PSD3: variants seen among roughly 807,000 people sequenced by gnomAD.
PSD3 encodes the protein PH and SEC7 domain-containing protein 3.
A neutral mutation model predicts 105.5 loss-of-function variants in PSD3; 49 were observed. That is an observed-to-expected ratio of 0.46 (90% confidence interval 0.37 to 0.59). The LOEUF is 0.59. Ranked by LOEUF, PSD3 falls within the 20% of genes least tolerant of loss-of-function variation. The pLI is 0.00. For missense variants in PSD3, 1,561 were observed against 1,263.8 expected, an observed-to-expected ratio of 1.24 and a Z score of -3.57; for synonymous variants, 557 against 457.8, an observed-to-expected ratio of 1.22 and a Z score of -2.77.
intron 9 of PSD3, among the ~76,000 whole-genome samples, chr8:18,704,664 T>A (rs1173783865): frequency 1.3e-5 from 2 of 152,054 alleles, no homozygotes; most frequent in African/African-American, 4.8e-5. Context: ...TTATTGTGAG[T>A]TTCCATCTCA....
chr8:18,963,346 T>A (rs1471723875), intron 1 of PSD3, among the ~76,000 whole-genome samples: 1 of 152,218 alleles, frequency 6.6e-6, no homozygotes, highest in African/African-American at 2.4e-5. Flanking sequence ...TTTGACTTCC[T>A]GAATTTGTGT....
intron 1 of PSD3, among the ~76,000 whole-genome samples, chr8:18,959,745 C>G (rs1311803794): frequency 6.6e-6 from 1 of 152,140 alleles, no homozygotes; most frequent in Non-Finnish European, 1.5e-5. Flanking sequence ...GTCACTGGCA[C>G]AGCTAGACAA....
At chr8:18,580,755 A>T (rs1227016167) in intron 12 of PSD3, among the ~76,000 whole-genome samples, 1 of 152,190 alleles carries the variant, frequency 6.6e-6, no homozygotes, top group Non-Finnish European at 1.5e-5. Context: ...GGTAAAGGTA[A>T]ATAAATTCAG....
intron 1 of PSD3, among the ~76,000 whole-genome samples, chr8:19,012,163 C>T (rs1250685032): frequency 6.7e-6 from 1 of 149,298 alleles, no homozygotes; most frequent in African/African-American, 2.5e-5. Flanking sequence ...CTTGATACCA[C>T]TCTACTCCTT....
chr8:18,604,334 C>A (rs1026478821), intron 11 of PSD3, among the ~76,000 whole-genome samples: 2 of 152,116 alleles, frequency 1.3e-5, no homozygotes, highest in African/African-American at 4.8e-5. Context: ...CCCTAGGGAT[C>A]TGTGTAACTT....
chr8:19,041,982 T>A (rs1448635360), intron 1 of PSD3, among the ~76,000 whole-genome samples: 1 of 152,132 alleles, frequency 6.6e-6, no homozygotes, highest in Non-Finnish European at 1.5e-5. Context: ...TTTTTTTAAC[T>A]TTTTCATAAT....
chr8:18,684,189 A>T, intron 9 of PSD3: 1 of 317,542 alleles, frequency 3.1e-6, no homozygotes, highest in Non-Finnish European at 5.8e-6. Context: ...CACCCCTGCT[A>T]CTCGTCTCTC....
intron 8 of PSD3, among the ~76,000 whole-genome samples, chr8:18,772,813 G>A (rs945518288): frequency 2.0e-5 from 3 of 152,124 alleles, no homozygotes; most frequent in Admixed American, 6.6e-5. Flanking sequence ...CCCGGCCCTT[G>A]TGAACATTTC....
intron 14 of PSD3, among the ~76,000 whole-genome samples, chr8:18,568,568 C>A (rs1801939525): frequency 6.6e-6 from 1 of 152,110 alleles, no homozygotes; most frequent in African/African-American, 2.4e-5. Context: ...CCAGAAGTGT[C>A]CATTCTACAC....
At chr8:18,975,779 T>A (rs1466592694) in intron 1 of PSD3, among the ~76,000 whole-genome samples, 1 of 152,080 alleles carries the variant, frequency 6.6e-6, no homozygotes, top group Non-Finnish European at 1.5e-5. Context: ...GAAGAAATAC[T>A]AACTGCAAAT....
intron 14 of PSD3, among the ~76,000 whole-genome samples, chr8:18,565,010 C>T (rs1801647468): frequency 6.6e-6 from 1 of 152,162 alleles, no homozygotes; most frequent in Admixed American, 6.5e-5. Context: ...TGTCCTGGGG[C>T]ACCATTCTCT....
chr8:18,729,016 A>T (rs1047293797), intron 9 of PSD3, among the ~76,000 whole-genome samples: 2 of 152,222 alleles, frequency 1.3e-5, no homozygotes, highest in Non-Finnish European at 2.9e-5. Flanking sequence ...GGAATTCACA[A>T]GAAAACCTGT....
At chr8:18,683,068 C>G (rs1461153051) in intron 9 of PSD3, among the ~76,000 whole-genome samples, 9 of 152,134 alleles carry the variant, frequency 5.9e-5, no homozygotes, top group Non-Finnish European at 2.9e-5. Context: ...GGAAGAATCT[C>G]AAGAATATGT....
At chr8:19,038,452 T>G (rs1828016692) in intron 1 of PSD3, among the ~76,000 whole-genome samples, 1 of 152,196 alleles carries the variant, frequency 6.6e-6, no homozygotes, top group Admixed American at 6.6e-5. Flanking sequence ...CACATTTATT[T>G]ATTTATCTAT....
intron 9 of PSD3, among the ~76,000 whole-genome samples, chr8:18,656,468 G>C (rs1046408231): frequency 3.3e-5 from 5 of 151,770 alleles, no homozygotes; most frequent in African/African-American, 9.7e-5. Flanking sequence ...TCTTAGGATA[G>C]TTTTAGAGTT....
intron 10 of PSD3, among the ~76,000 whole-genome samples, chr8:18,639,773 A>G (rs1473216236): frequency 1.3e-5 from 2 of 152,186 alleles, no homozygotes; most frequent in East Asian, 3.9e-4. Context: ...TTGTTATGGC[A>G]GCCAAAGGAA....
At chr8:18,739,236 T>C (rs1804379643) in intron 9 of PSD3, among the ~76,000 whole-genome samples, 1 of 152,170 alleles carries the variant, frequency 6.6e-6, no homozygotes, top group Admixed American at 6.5e-5. Flanking sequence ...AAGCAGATGA[T>C]TCCCCCACAA....
intron 1 of PSD3, among the ~76,000 whole-genome samples, chr8:18,951,337 G>A (rs1245794184): frequency 6.6e-6 from 1 of 152,116 alleles, no homozygotes; most frequent in South Asian, 2.1e-4. Flanking sequence ...ATGAATTAAA[G>A]GCTACAGTGA....
chr8:18,589,327 C>T (rs1445035019), intron 12 of PSD3, among the ~76,000 whole-genome samples: 1 of 152,140 alleles, frequency 6.6e-6, no homozygotes, highest in Non-Finnish European at 1.5e-5. Flanking sequence ...TGTCATGACC[C>T]TCAAAGTAAT....
Sources: gnomAD v4.1 joint callset for allele counts (sites outside exome capture counted in the v4.1 genomes callset) on GRCh38, gnomAD v4.1.1 for gene constraint, MANE v1.5 for transcripts, NCBI Gene and HGNC (gene_info 2026-07-23, HGNC 2026-07-21) for gene names.